Variants in CFAP57 observed in about 807,000 individuals in gnomAD.
CFAP57 encodes the protein cilia- and flagella-associated protein 57.
In CFAP57, 116 loss-of-function variants were observed where a neutral mutation model predicts 146.8. That is an observed-to-expected ratio of 0.79 (90% CI 0.68 to 0.92). The LOEUF (loss-of-function observed/expected upper bound fraction) is 0.92, where lower values mean the gene tolerates loss of function less well. Among genes scored for constraint, CFAP57 ranks in the 40% least tolerant of loss-of-function variants. The pLI, the probability that CFAP57 is intolerant of heterozygous loss-of-function variation, is 0.00. For synonymous variants in CFAP57, 518 were observed against 552.8 expected (o/e 0.94, Z 0.88); for missense variants, 1,377 against 1,527.2 (o/e 0.90, Z 1.64).
intron 11 of CFAP57, among the ~76,000 whole-genome samples, chr1:43,211,175 A>C (rs1010978107): frequency 6.6e-6 from 1 of 152,224 alleles, no homozygotes; most frequent in Non-Finnish European, 1.5e-5. Flanking sequence ...CTTGGGTCCA[A>C]AGTAAATTAC....
intron 17 of CFAP57, among the ~76,000 whole-genome samples, chr1:43,226,291 C>A (rs974223361): frequency 6.6e-6 from 1 of 152,212 alleles, no homozygotes; most frequent in Admixed American, 6.5e-5. Context: ...TCTGGGGCCT[C>A]AGCTGGGAAT....
intron 21 of CFAP57, among the ~76,000 whole-genome samples, chr1:43,236,905 T>C (rs1235093265): frequency 1.5e-4 from 18 of 119,044 alleles, no homozygotes; most frequent in Admixed American, 4.1e-4. Flanking sequence ...CGAGACTCCA[T>C]CCCCCCCCAA....
At position 43,234,170 on chromosome 1, in the gene CFAP57, C is replaced by T. The variant is rs1645590193; in HGVS notation, c.3127-109C>T. The T allele has an allele frequency of 2.4e-6, 3 of 1,270,226 alleles. No individual in the cohort carries two copies. The South Asian group carries it at 5.2e-5, about 22-fold the overall frequency. The allele number at this position is 1,270,226 out of a possible 1,614,324, so 78.7% of individuals were successfully genotyped here. A position where few individuals can be genotyped will look rare whatever the true frequency, so the allele number is the denominator to read the frequency against. ...GCCCCTGGCAGTCAGCTGTAAGTCC[C>T]AGATGAGGCATCTCTTTTCCCTTTC... On this transcript the variant is annotated intron_variant, in intron 19 of 22. Coordinates refer to ENST00000372492, the MANE Select transcript of CFAP57 (RefSeq NM_001378189.1).
intron 4 of CFAP57, chr1:43,184,833 C>T: frequency 3.1e-6 from 1 of 324,730 alleles, no homozygotes. Flanking sequence ...GTTCACAGTC[C>T]TTCAGCTCTG....
chr1:43,216,621 C>A (rs1271528478), intron 12 of CFAP57, among the ~76,000 whole-genome samples: 1 of 152,112 alleles, frequency 6.6e-6, no homozygotes, highest in Non-Finnish European at 1.5e-5. Flanking sequence ...GCATATACCG[C>A]TCCTTCTTGA....
chr1:43,182,198 C>T (rs748212345), intron 3 of CFAP57, among the ~76,000 whole-genome samples: 25 of 152,182 alleles, frequency 1.6e-4, no homozygotes, highest in Non-Finnish European at 2.1e-4. Flanking sequence ...CTGGTCCTAG[C>T]CTCTTTTTCC....
chr1:43,188,530 A>G (rs983911892), intron 6 of CFAP57, among the ~76,000 whole-genome samples: 1 of 152,216 alleles, frequency 6.6e-6, no homozygotes, highest in Non-Finnish European at 1.5e-5. Flanking sequence ...CTGGTGATTA[A>G]TGATGAACGT....
chr1:43,251,590 A>G (rs1646327504), intron 22 of CFAP57, among the ~76,000 whole-genome samples: 1 of 152,262 alleles, frequency 6.6e-6, no homozygotes, highest in Non-Finnish European at 1.5e-5. Flanking sequence ...AGCAATATGG[A>G]CATATAAAAT....
chr1:43,227,278 AGG>A (rs1645282163), intron 18 of CFAP57, among the ~76,000 whole-genome samples, 152 bp downstream of exon 18: 4 of 146,820 alleles, frequency 2.7e-5, no homozygotes, highest in African/African-American at 1.1e-4. Flanking sequence ...GGGGTGCAAC[AGG>A]GAAGGCCGTG....
rs181273547 is a variant in CFAP57 at position 43,213,418 on chromosome 1, A to G, written c.1930-1837A>G. Among the ~76,000 whole-genome samples the G allele has an allele frequency of 4.3e-4, 66 of 151,944 alleles. No individual in the cohort carries two copies. The East Asian group carries it at 7.9e-3, about 18-fold the overall frequency. ...GGCCAAATAGTATTCCAGTGGGTATATATACCACATTTTCTTTATTCATTC... is the reference window on the plus strand; with the variant it reads ...GGCCAAATAGTATTCCAGTGGGTATGTATACCACATTTTCTTTATTCATTC... On this transcript the variant is annotated intron_variant, in intron 11 of 22. Transcript: ENST00000372492.
At chr1:43,233,610 A>G (rs1440355799) in intron 19 of CFAP57, among the ~76,000 whole-genome samples, 1 of 152,204 alleles carries the variant, frequency 6.6e-6, no homozygotes, top group Non-Finnish European at 1.5e-5. Flanking sequence ...TGCCATTTCC[A>G]TGCTGAAGAG....
rs1279816866 is a variant in CFAP57, at chr1:43,186,745, T to G, written c.1008T>G (p.Ser336=). 1 of 1,614,072 alleles carries G rather than the reference T, an allele frequency of 6.2e-7. No homozygotes were observed. Among genetic ancestry groups the G allele is most frequent in the Non-Finnish European group, 8.5e-7 (1 of 1,180,048 alleles). ...CGCAGAGCAATGATCCAAGTCAGTC[T>G]GACAAACAGGACGTTCTCTGCCTGT... ...VDPQSNDPSQ[S]DKQDVLCLCF... Residue 336 remains serine (S), a synonymous_variant, in exon 6 of 23, where the codon TCT becomes TCG. Coordinates refer to ENST00000372492, the MANE Select transcript of CFAP57 (RefSeq NM_001378189.1).
intron 5 of CFAP57, 32 bp downstream of exon 5, chr1:43,185,388 G>T: frequency 6.3e-7 from 1 of 1,599,160 alleles, no homozygotes; most frequent in South Asian, 1.1e-5. Flanking sequence ...GAAGTAAAAT[G>T]GGGGTCCTAT....
chr1:43,183,496 G>A (rs747512046), intron 3 of CFAP57, 95 bp from the exon 4 acceptor site: 6 of 1,138,486 alleles, frequency 5.3e-6, no homozygotes, highest in Non-Finnish European at 7.8e-6. Flanking sequence ...GATATTCTGA[G>A]CAGCCTGAAA....
intron 3 of CFAP57, among the ~76,000 whole-genome samples, chr1:43,182,578 C>T (rs188674262): frequency 2.0e-5 from 3 of 152,308 alleles, no homozygotes; most frequent in Non-Finnish European, 2.9e-5. Context: ...ATCATTTATC[C>T]AGTGTATTCC....
At chr1:43,199,251 TCATTTGCACCTTCCCC>T in intron 8 of CFAP57, 123 bp from the exon 9 acceptor site, 1 of 807,576 alleles carries the variant, frequency 1.2e-6, no homozygotes, top group Non-Finnish European at 2.2e-6. Context: ...CTCCTCAGTC[TCATTTGCACCTTCCCC>T]CCACTCCCAC....
rs776669989 is a variant in CFAP57 at position 43,209,806 on chromosome 1, C to T, written c.1819C>T (p.Arg607Cys). ...YTAIVISHSG[R>C]MMFVGTSVGT... is the part of the protein sequence containing the mutation. ...CGCCATTGTCATCTCGCATTCTGGA[C>T]GCATGATGTTTGTGGGCACCTCGGT... is the stretch of plus-strand genomic sequence containing the variant. The change falls in exon 11 of 23, where the codon CGC (arginine) becomes TGC (cysteine). Residue 607 changes from arginine to cysteine, a missense_variant. Transcript: ENST00000372492. 27 of 1,614,054 alleles carry T rather than the reference C, an allele frequency of 1.7e-5. No homozygotes were observed. In the South Asian group the frequency reaches 1.9e-4, roughly 11 times the overall value.
intron 17 of CFAP57, among the ~76,000 whole-genome samples, chr1:43,224,590 C>T (rs547594853): frequency 4.6e-5 from 7 of 152,208 alleles, no homozygotes; most frequent in South Asian, 2.1e-4. Flanking sequence ...GCTCACTTGC[C>T]GCACTGACCA....
At chr1:43,239,962 C>A (rs1227324861) in intron 21 of CFAP57, among the ~76,000 whole-genome samples, 1 of 152,168 alleles carries the variant, frequency 6.6e-6, no homozygotes, top group African/African-American at 2.4e-5. Flanking sequence ...TAATGAGCAC[C>A]TCTAACATGC....
Sources: allele counts gnomAD v4.1 joint callset (sites outside exome capture counted in the v4.1 genomes callset), GRCh38; gene constraint gnomAD v4.1.1; transcripts MANE v1.5; gene names NCBI Gene and HGNC (gene_info 2026-07-23, HGNC 2026-07-21).